SOX6: variants seen among roughly 807,000 people sequenced by gnomAD.
SOX6 encodes transcription factor SOX-6.
SOX6 carries 11 observed loss-of-function variants against 97.8 expected under a neutral mutation model. The observed-to-expected ratio is 0.11, with a 90% CI of 0.07 to 0.19. SOX6 has a LOEUF of 0.19. Ranked by LOEUF, SOX6 falls within the 10% of genes least tolerant of loss-of-function variation. The pLI, the probability that SOX6 is intolerant of heterozygous loss-of-function variation, is 1.00. For missense variants in SOX6, 810 were observed against 1,039.5 expected (o/e 0.78, Z 3.04); for synonymous variants, 360 against 371.4 (o/e 0.97, Z 0.35).
intron 6 of SOX6, among the ~76,000 whole-genome samples, chr11:16,182,335 A>G (rs1367273878): frequency 1.3e-5 from 2 of 151,866 alleles, no homozygotes; most frequent in African/African-American, 2.4e-5. Context: ...TTCCTGCTTT[A>G]CAAATAGGAG....
intron 3 of SOX6, among the ~76,000 whole-genome samples, chr11:16,245,419 G>C (rs1432250810): frequency 6.6e-6 from 1 of 151,558 alleles, no homozygotes; most frequent in East Asian, 1.9e-4. Flanking sequence ...TTAGTGTAGT[G>C]TTCTAGCAAC....
intron 15 of SOX6, among the ~76,000 whole-genome samples, chr11:15,977,700 T>C (rs990399749): frequency 2.6e-5 from 4 of 152,102 alleles, no homozygotes; most frequent in African/African-American, 9.7e-5. Context: ...CCATACTTAC[T>C]AGTCTCTAAA....
chr11:16,311,393 C>T (rs1855597857), intron 3 of SOX6: 2 of 152,112 alleles, frequency 1.3e-5, no homozygotes, highest in African/African-American at 4.8e-5. Flanking sequence ...ATCATTCATA[C>T]AGATTTACAG....
intron 12 of SOX6, among the ~76,000 whole-genome samples, chr11:16,029,887 T>G (rs953121189): frequency 1.6e-4 from 24 of 152,194 alleles, no homozygotes; most frequent in Non-Finnish European, 2.9e-4. Context: ...TATTTAACTC[T>G]ACTGCATATA....
chr11:16,082,516 A>C (rs991435931), intron 9 of SOX6, among the ~76,000 whole-genome samples: 1 of 152,182 alleles, frequency 6.6e-6, no homozygotes. Context: ...TATAAACTGC[A>C]GATTACAGGA....
chr11:16,184,069 T>G, intron 5 of SOX6, 115 bp from the exon 6 acceptor site: 1 of 958,534 alleles, frequency 1.0e-6, no homozygotes, highest in Non-Finnish European at 1.6e-6. Flanking sequence ...TGTGAAAGAG[T>G]TCCTATAAAA....
intron 3 of SOX6, among the ~76,000 whole-genome samples, chr11:16,271,852 T>C (rs185626719): frequency 6.6e-6 from 1 of 151,248 alleles, no homozygotes. Context: ...ATTTCTGCTT[T>C]TTATCTTCAT....
intron 3 of SOX6, among the ~76,000 whole-genome samples, chr11:16,674,246 T>C (rs547683056): frequency 1.3e-5 from 2 of 148,382 alleles, no homozygotes; most frequent in Non-Finnish European, 3.0e-5. Context: ...ACCACGAGGA[T>C]GCAAGGATCT....
At chr11:16,247,700 C>T (rs1428559811) in intron 3 of SOX6, among the ~76,000 whole-genome samples, 1 of 152,116 alleles carries the variant, frequency 6.6e-6, no homozygotes, top group Admixed American at 6.6e-5. Flanking sequence ...CCACCAGGTC[C>T]CTTCCATGAC....
chr11:16,721,148 G>C (rs1356978081), intron 2 of SOX6, among the ~76,000 whole-genome samples: 1 of 152,188 alleles, frequency 6.6e-6, no homozygotes, highest in African/African-American at 2.4e-5. Flanking sequence ...TAAAAGGCAA[G>C]GACGCTTGAT....
intron 3 of SOX6, chr11:16,311,425 G>C (rs554250088): frequency 1.3e-5 from 2 of 152,130 alleles, no homozygotes; most frequent in Non-Finnish European, 2.9e-5. Context: ...GAAGCACAAA[G>C]AGATTAATTT....
intron 4 of SOX6, among the ~76,000 whole-genome samples, chr11:16,565,951 T>C (rs1050729566): frequency 2.0e-5 from 3 of 151,252 alleles, no homozygotes; most frequent in African/African-American, 4.9e-5. Flanking sequence ...AAAAAATTAG[T>C]CAGGCGTGGT....
chr11:16,395,076 T>C (rs1481539885), intron 1 of SOX6, among the ~76,000 whole-genome samples: 1 of 151,916 alleles, frequency 6.6e-6, no homozygotes, highest in Non-Finnish European at 1.5e-5. Flanking sequence ...TATTTTTATG[T>C]ACTTTGCTTT....
intron 4 of SOX6, among the ~76,000 whole-genome samples, chr11:16,501,665 A>G (rs1187139085): frequency 1.3e-5 from 2 of 152,128 alleles, no homozygotes; most frequent in Non-Finnish European, 2.9e-5. Context: ...ATGAACAGAC[A>G]CTTCTCAAAA....
At chr11:16,524,947 G>A (rs1241737575) in intron 4 of SOX6, among the ~76,000 whole-genome samples, 1 of 152,104 alleles carries the variant, frequency 6.6e-6, no homozygotes, top group Non-Finnish European at 1.5e-5. Flanking sequence ...CCTCTTCAAG[G>A]AGAACTACAA....
At chr11:16,424,609 G>C (rs1441356637) in intron 1 of SOX6, among the ~76,000 whole-genome samples, 2 of 152,160 alleles carry the variant, frequency 1.3e-5, no homozygotes, top group Non-Finnish European at 2.9e-5. Flanking sequence ...TGAGAAAAAA[G>C]AGAAAAGATA....
chr11:16,404,396 G>A (rs1858637583), intron 1 of SOX6, among the ~76,000 whole-genome samples: 1 of 151,852 alleles, frequency 6.6e-6, no homozygotes, highest in Non-Finnish European at 1.5e-5. Flanking sequence ...CTACTGCTAA[G>A]AAGAGTTTCT....
At chr11:16,071,266 C>T (rs1359547918) in intron 9 of SOX6, among the ~76,000 whole-genome samples, 1 of 152,122 alleles carries the variant, frequency 6.6e-6, no homozygotes, top group Non-Finnish European at 1.5e-5. Context: ...CCAGGAAACA[C>T]CCAGACAGCA....
intron 1 of SOX6, among the ~76,000 whole-genome samples, chr11:16,438,935 G>A (rs1031152882): frequency 6.6e-6 from 1 of 152,156 alleles, no homozygotes; most frequent in Non-Finnish European, 1.5e-5. Flanking sequence ...AAGTACAGGA[G>A]AGCATGTAGG....
Sources: gnomAD v4.1 joint callset for allele counts (sites outside exome capture counted in the v4.1 genomes callset) on GRCh38, gnomAD v4.1.1 for gene constraint, MANE v1.5 for transcripts, NCBI Gene and HGNC (gene_info 2026-07-23, HGNC 2026-07-21) for gene names.